HERC1: variants seen among roughly 807,000 people sequenced by gnomAD.
HERC1 encodes the protein HECT and RLD domain containing E3 ubiquitin protein ligase family member 1, also known as probable E3 ubiquitin-protein ligase HERC1.
In HERC1, 160 loss-of-function variants were observed where a neutral mutation model predicts 554.3. The ratio of observed to expected loss-of-function variants is 0.29; its 90% CI spans 0.25 to 0.33. HERC1 has a LOEUF of 0.33. Among genes scored for constraint, HERC1 ranks in the 10% least tolerant of loss-of-function variants. HERC1 has a pLI of 1.00. For synonymous variants in HERC1, 2,175 were observed against 2,131.7 expected (o/e 1.02, Z -0.56); for missense variants, 4,919 against 5,918.5 (o/e 0.83, Z 5.54).
intron 1 of HERC1, among the ~76,000 whole-genome samples, chr15:63,790,608 T>G (rs2076617498): frequency 8.8e-6 from 1 of 113,654 alleles, no homozygotes; most frequent in South Asian, 2.4e-4. Flanking sequence ...AAAAGTACTT[T>G]TTAAATACTA....
intron 25 of HERC1, among the ~76,000 whole-genome samples, chr15:63,705,198 G>A (rs1370187577): frequency 6.6e-6 from 1 of 151,974 alleles, no homozygotes; most frequent in African/African-American, 2.4e-5. Context: ...TTGTCACACA[G>A]GCTGGAGTGC....
intron 1 of HERC1, among the ~76,000 whole-genome samples, chr15:63,793,226 T>A (rs2076706790): frequency 6.6e-6 from 1 of 152,142 alleles, no homozygotes; most frequent in Non-Finnish European, 1.5e-5. Flanking sequence ...TTAGGCATTC[T>A]AAATCACAGG....
intron 39 of HERC1, 108 bp from the exon 40 acceptor site, chr15:63,669,806 G>C: frequency 1.0e-6 from 1 of 984,350 alleles, no homozygotes; most frequent in East Asian, 2.5e-5. Context: ...AAACAGGTTA[G>C]TTATAGTTTA....
intron 22 of HERC1, 144 bp downstream of exon 22, chr15:63,716,158 G>T: frequency 1.4e-6 from 1 of 698,220 alleles, no homozygotes; most frequent in Non-Finnish European, 2.4e-6. Context: ...GCCCCTGTCA[G>T]CTAATACAAA....
At position 63,737,391 on chromosome 15, in the gene HERC1, G is replaced by T. The variant is rs376342493; in HGVS notation, c.2521-2542C>A. Among the ~76,000 whole-genome samples, 195 of 55,880 alleles carry T rather than the reference G, an allele frequency of 3.5e-3. 4 individuals are homozygous for T. The highest frequency in any genetic ancestry group is 9.0e-3 in the African/African-American group (122 of 13,500). The allele number at this position is 55,880 out of a possible 152,430, so 36.7% of individuals were successfully genotyped here. A position where few individuals can be genotyped will look rare whatever the true frequency, so the allele number is the denominator to read the frequency against. On this transcript the variant is annotated intron_variant, in intron 12 of 77. Coordinates refer to ENST00000443617, the MANE Select transcript of HERC1 (RefSeq NM_003922.4). ...TTTTCCAGATATATATATATATATC[G>T]TTTTTCCAGATATATATATATATAT...
intron 34 of HERC1, 71 bp downstream of exon 34, chr15:63,686,288 T>G: frequency 2.6e-6 from 3 of 1,141,114 alleles, no homozygotes; most frequent in South Asian, 3.3e-5. Context: ...TTTCTACACA[T>G]TTATTATAAG....
intron 1 of HERC1, among the ~76,000 whole-genome samples, chr15:63,820,654 C>CA (rs2077657403): frequency 6.6e-6 from 1 of 151,554 alleles, no homozygotes; most frequent in Non-Finnish European, 1.5e-5. Flanking sequence ...CAATGTATCT[C>CA]AAAAAAATCA....
intron 25 of HERC1, among the ~76,000 whole-genome samples, chr15:63,703,134 A>G (rs1260138744): frequency 6.6e-6 from 1 of 151,716 alleles, no homozygotes; most frequent in Non-Finnish European, 1.5e-5. Flanking sequence ...AAAAAGAGTA[A>G]ATTTAGCTTT....
At chr15:63,705,556 T>C (rs2153092110) in intron 25 of HERC1, among the ~76,000 whole-genome samples, 1 of 152,286 alleles carries the variant, frequency 6.6e-6, no homozygotes, top group Non-Finnish European at 1.5e-5. Flanking sequence ...TTTTTTTCTA[T>C]GGATGAGAAA....
In HERC1 at chr15:63,682,106, A is replaced by G. The variant is rs6494426; in HGVS notation, c.6226-1330T>C. 4.7e-3 allele frequency among the ~76,000 whole-genome samples: 713 copies of G among 152,260 alleles called. 10 individuals carry two copies. Among genetic ancestry groups the G allele is most frequent in the African/African-American group, 0.016 (684 of 41,536 alleles). The stretch of plus-strand genomic sequence containing the variant: ...AGAATATAGTTAAATATTGCTGGGG[A>G]AAAAGAAAGAGACGAAAGGAAAAGA... On this transcript the variant is annotated intron_variant, in intron 34 of 77. Coordinates refer to ENST00000443617, the MANE Select transcript of HERC1 (RefSeq NM_003922.4).
intron 8 of HERC1, 151 bp downstream of exon 8, chr15:63,752,807 C>T: frequency 1.4e-6 from 1 of 709,784 alleles, no homozygotes; most frequent in Non-Finnish European, 2.2e-6. Flanking sequence ...TTCTCAGATA[C>T]TCTACTTCAA....
At chr15:63,800,968 T>C (rs1371346950) in intron 1 of HERC1, among the ~76,000 whole-genome samples, 1 of 152,126 alleles carries the variant, frequency 6.6e-6, no homozygotes, top group African/African-American at 2.4e-5. Flanking sequence ...ATAGAGTTAA[T>C]CACCAATGGT....
chr15:63,628,598 G>T, intron 70 of HERC1, 79 bp downstream of exon 70: 1 of 1,406,420 alleles, frequency 7.1e-7, no homozygotes. Flanking sequence ...GGATACAGTT[G>T]GGAACTGGCA....
At chr15:63,620,182 T>C (rs2068010911) in intron 74 of HERC1, among the ~76,000 whole-genome samples, 1 of 152,234 alleles carries the variant, frequency 6.6e-6, no homozygotes. Context: ...CCAGAGATTC[T>C]GGTATGTTGT....
chr15:63,695,273 G>C (rs1001782491), intron 27 of HERC1, among the ~76,000 whole-genome samples: 6 of 152,056 alleles, frequency 3.9e-5, no homozygotes, highest in African/African-American at 1.4e-4. Flanking sequence ...CTGAGCTCAA[G>C]CAATCCAACA....
In HERC1 at chr15:63,698,844, T is replaced by C; in HGVS notation, c.4789A>G (p.Ser1597Gly). The C allele has an allele frequency of 6.2e-7, 1 of 1,613,922 alleles. No individual in the cohort carries two copies. The highest frequency in any genetic ancestry group is 8.5e-7 in the Non-Finnish European group (1 of 1,179,860). ...GVHTLIENVVSFVSGDVGNAP... is the reference protein window; with the variant it reads ...GVHTLIENVVGFVSGDVGNAP... ...TTCCCCACATCTCCACTCACAAAGC[T>C]TACAACATTTTCAATCAAAGTGTGA... is the stretch of plus-strand genomic sequence containing the variant. The change falls in exon 26 of 78, where the codon AGC becomes GGC. Residue 1597 changes from serine (S) to glycine (G), a missense_variant. By Grantham distance (56) the Ser-to-Gly change is moderately conservative. This residue lies in a region of HERC1 where 1,121 missense variants were observed against 1,244.0 expected (regional missense o/e 0.90). Transcript: ENST00000443617.
At chr15:63,645,726 T>C in intron 55 of HERC1, 44 bp from the exon 56 acceptor site, 1 of 1,135,932 alleles carries the variant, frequency 8.8e-7, no homozygotes, top group African/African-American at 1.6e-5. Context: ...TAATGTTTCC[T>C]TCACAAATAC....
intron 26 of HERC1, 74 bp from the exon 27 acceptor site, chr15:63,696,413 T>A: frequency 1.0e-6 from 1 of 976,016 alleles, no homozygotes; most frequent in Non-Finnish European, 1.6e-6. Flanking sequence ...CCAAAAACAG[T>A]ATTTTTAACA....
chr15:63,672,274 G>C (rs888459886), intron 39 of HERC1, among the ~76,000 whole-genome samples: 1 of 152,202 alleles, frequency 6.6e-6, no homozygotes, highest in Non-Finnish European at 1.5e-5. Context: ...CAGCTGATTA[G>C]ACCTGGGATC....
Sources: gnomAD v4.1 joint callset for allele counts (sites outside exome capture counted in the v4.1 genomes callset) on GRCh38, gnomAD v4.1.1 for gene constraint, gnomAD v4.1.1 regional missense constraint, MANE v1.5 for transcripts, NCBI Gene and HGNC (gene_info 2026-07-23, HGNC 2026-07-21) for gene names.